Variants in FAM161B observed in about 807,000 individuals in gnomAD.
FAM161B encodes protein FAM161B.
FAM161B carries 46 observed loss-of-function variants against 61.5 expected under a neutral mutation model. The ratio of observed to expected loss-of-function variants is 0.75; its 90% CI spans 0.59 to 0.96. The LOEUF (loss-of-function observed/expected upper bound fraction) is 0.96, where lower values mean the gene tolerates loss of function less well. FAM161B is among the 40% of genes least tolerant of loss of function. The pLI is 0.00. For missense variants in FAM161B, 774 were observed against 800.7 expected (o/e 0.97, Z 0.40); for synonymous variants, 284 against 302.7 (o/e 0.94, Z 0.64).
At chr14:73,923,321 G>T in the FAM161B span, 1 of 1,511,910 alleles carries the variant, frequency 6.6e-7, no homozygotes, top group South Asian at 1.3e-5. Context: ...AGTTGTTAAT[G>T]AGAGGCTTAA....
chr14:73,938,766 C>T (rs566527535), intron 5 of FAM161B, among the ~76,000 whole-genome samples: 11 of 151,750 alleles, frequency 7.2e-5, no homozygotes, highest in East Asian at 3.9e-4. Context: ...TGAGAGACTC[C>T]GTCTCAAAAA....
chr14:73,928,795 A>G (rs186287777), downstream of FAM161B, among the ~76,000 whole-genome samples: 69 of 152,264 alleles, frequency 4.5e-4, no homozygotes, highest in Non-Finnish European at 7.8e-4. Flanking sequence ...AGTTTTTTAA[A>G]AAATTATCCA....
chr14:73,941,958 G>A (rs752694266), intron 4 of FAM161B, among the ~76,000 whole-genome samples: 28 of 152,094 alleles, frequency 1.8e-4, no homozygotes, highest in Non-Finnish European at 3.2e-4. Context: ...TGCCCTCCTC[G>A]GCCTCTCAAA....
chr14:73,942,472 CTT>C lies in FAM161B; in HGVS notation c.1167_1168del (p.Glu391AsnfsTer25). On this transcript the variant is annotated frameshift_variant, in exon 4 of 9. Coordinates refer to ENST00000286544, the MANE Select transcript of FAM161B (RefSeq NM_152445.3). LOFTEE classifies it high-confidence loss of function. ...GTTGCGAGTGGCCTCTTGGGTTTCT[CTT>C]CTTTTGGCTGCTCTTCTCTGGAAGG... 1 of 1,614,190 alleles carries C rather than the reference CTT, an allele frequency of 6.2e-7. No homozygotes were observed. Among genetic ancestry groups the C allele is most frequent in the African/African-American group, 1.3e-5 (1 of 75,060 alleles).
chr14:73,931,817 G>A, downstream of FAM161B: 1 of 466,654 alleles, frequency 2.1e-6, no homozygotes, highest in Non-Finnish European at 4.0e-6. Flanking sequence ...TAGACCAAAA[G>A]TGAATTTGAT....
At chr14:73,931,474 A>G (rs560409810), downstream of FAM161B, 19 of 1,595,060 alleles carry the variant, frequency 1.2e-5, no homozygotes, top group African/African-American at 1.3e-5. Context: ...ACTGTAACCT[A>G]TTCTAGATTT....
Position 73,934,134 on chromosome 14 carries a change from ACT to A in FAM161B, c.*120_*121del. 8.3e-7 allele frequency: 1 copy of A among 1,202,800 alleles called. No homozygotes were observed. The highest frequency in any genetic ancestry group is 1.1e-6 in the Non-Finnish European group (1 of 871,308). 74.5% of individuals were successfully genotyped at this position (1,202,800 alleles called of 1,614,324 possible). A position where few individuals can be genotyped will look rare whatever the true frequency, so the allele number is the denominator to read the frequency against. Reference sequence around the variant, plus strand: ...ACTGCGCCTGGCCTGTTAATCTGCTACTCTTCATTTGTCCATCCTCTAACAGT... The same window carrying A: ...ACTGCGCCTGGCCTGTTAATCTGCTACTTCATTTGTCCATCCTCTAACAGT... On this transcript the variant is annotated 3_prime_UTR_variant, in exon 9 of 9. Transcript: ENST00000286544.
At chr14:73,925,633 G>T in the FAM161B span, among the ~76,000 whole-genome samples, 1 of 151,992 alleles carries the variant, frequency 6.6e-6, no homozygotes, top group Non-Finnish European at 1.5e-5. Flanking sequence ...TTACCCTGTT[G>T]GCCAGGCTAG....
chr14:73,940,841 C>A, intron 5 of FAM161B, 85 bp downstream of exon 5: 1 of 1,514,738 alleles, frequency 6.6e-7, no homozygotes, highest in Non-Finnish European at 8.8e-7. Context: ...TCTCTGATAA[C>A]AGGAAAGGAG....
At chr14:73,929,767 T>C (rs1180430770), downstream of FAM161B, among the ~76,000 whole-genome samples, 1 of 151,650 alleles carries the variant, frequency 6.6e-6, no homozygotes, top group Non-Finnish European at 1.5e-5. Flanking sequence ...TAGTGAGCCA[T>C]GATCTTGCCA....
rs1168077255 is a variant in FAM161B, at chr14:73,934,234, G to C, written c.*22C>G. 1 of 1,598,096 alleles carries C rather than the reference G, an allele frequency of 6.3e-7. No homozygotes were observed. The highest frequency in any genetic ancestry group is 8.5e-7 in the Non-Finnish European group (1 of 1,175,488). The stretch of plus-strand genomic sequence containing the variant: ...GTTAGCTGCTTAATATTTTTCAAAA[G>C]CAGTAATTTTAAGTGTAGTGATTAA... On this transcript the variant is annotated 3_prime_UTR_variant, in exon 9 of 9. Coordinates refer to ENST00000286544, the MANE Select transcript of FAM161B (RefSeq NM_152445.3).
the FAM161B span, among the ~76,000 whole-genome samples, chr14:73,923,991 C>T: frequency 6.6e-6 from 1 of 152,010 alleles, no homozygotes; most frequent in Non-Finnish European, 1.5e-5. Context: ...TGGAAAAAGT[C>T]CCTCAGCAAA....
At chr14:73,927,230 C>G (rs2055847587), downstream of FAM161B, 2 of 229,246 alleles carry the variant, frequency 8.7e-6, no homozygotes, top group Non-Finnish European at 9.4e-6. Context: ...GGACCACAGG[C>G]AGGTGCCACC....
chr14:73,935,923 A>AG, intron 8 of FAM161B, 26 bp downstream of exon 8: 1 of 1,598,242 alleles, frequency 6.3e-7, no homozygotes, highest in Non-Finnish European at 8.6e-7. Flanking sequence ...AGAGAGCTGC[A>AG]GAATGACAGC....
At chr14:73,929,785 G>C (rs6574153), downstream of FAM161B, among the ~76,000 whole-genome samples, 91,412 of 151,532 alleles carry the variant, frequency 0.6, 28,486 homozygotes, top group South Asian at 0.72. Flanking sequence ...CCACTACACT[G>C]CAGTCTGGGT....
chr14:73,937,473 GGTA>G (rs1371505231), intron 7 of FAM161B, 126 bp downstream of exon 7: 2 of 751,460 alleles, frequency 2.7e-6, no homozygotes, highest in East Asian at 2.5e-5. Context: ...GGGAAAAGAA[GGTA>G]GTAGTGAAAT....
At position 73,942,388 on chromosome 14, in the gene FAM161B, G is replaced by A. The variant is rs1334605839; in HGVS notation, c.1253C>T (p.Ala418Val). The change falls in exon 4 of 9, where the codon GCC (alanine) becomes GTC (valine). Residue 418 changes from alanine to valine, a missense_variant. Ala to Val is a moderately conservative substitution (Grantham distance 64). Coordinates refer to ENST00000286544, the MANE Select transcript of FAM161B (RefSeq NM_152445.3). ...TCTCACCTGCCTCCTTCCGGTGGTG[G>A]CAGCATCACAGGGCCGCTGAGGGTG... ...LRHPQRPCDA[A>V]TTGRRQDSPQ... 12 of 1,613,970 alleles carry A rather than the reference G, an allele frequency of 7.4e-6. No individual in the cohort carries two copies. The highest frequency in any genetic ancestry group is 1.0e-5 in the Non-Finnish European group (12 of 1,179,930).
downstream of FAM161B, chr14:73,931,381 A>G: frequency 2.6e-6 from 2 of 778,818 alleles, no homozygotes; most frequent in Non-Finnish European, 4.2e-6. Flanking sequence ...TTGGAAGTAG[A>G]TAGCCTTCAT....
intron 7 of FAM161B, among the ~76,000 whole-genome samples, chr14:73,937,349 T>C (rs1846985755): frequency 6.6e-6 from 1 of 152,190 alleles, no homozygotes; most frequent in South Asian, 2.1e-4. Context: ...GAAATCTGAA[T>C]GGTAGACTAC....
Sources: gnomAD v4.1 joint callset for allele counts (sites outside exome capture counted in the v4.1 genomes callset) on GRCh38, gnomAD v4.1.1 for gene constraint, MANE v1.5 for transcripts, NCBI Gene and HGNC (gene_info 2026-07-23, HGNC 2026-07-21) for gene names.